USP49: variants seen among roughly 807,000 people sequenced by gnomAD.
The protein encoded by USP49 is ubiquitin specific peptidase 49.
Under a neutral mutation model 58.6 loss-of-function variants are expected in USP49, and 24 were observed. That is an observed-to-expected ratio of 0.41 (90% CI 0.30 to 0.58). The LOEUF (loss-of-function observed/expected upper bound fraction) is 0.58. Among genes scored for constraint, USP49 ranks in the 20% least tolerant of loss-of-function variants. The probability of loss-of-function intolerance (pLI) is 0.30; values close to 1 mark genes in which losing one functional copy is unlikely to be tolerated. For missense variants in USP49, 703 were observed against 866.1 expected (o/e 0.81, Z 2.36); for synonymous variants, 408 against 365.1 (o/e 1.12, Z -1.34).
intron 3 of USP49, among the ~76,000 whole-genome samples, chr6:41,861,860 G>A (rs1003749440): frequency 2.0e-5 from 3 of 151,882 alleles, no homozygotes; most frequent in Non-Finnish European, 2.9e-5. Context: ...CACCATGCCC[G>A]GCTAATTTTT....
In USP49 at chr6:41,793,521, AGT is replaced by A. The variant is rs1296691300; in HGVS notation, c.*3010_*3011del. 1 of 152,794 alleles carries A rather than the reference AGT, an allele frequency of 6.5e-6. No individual in the cohort carries two copies. The highest frequency in any genetic ancestry group is 1.5e-5 in the Non-Finnish European group (1 of 68,590). 9.5% of individuals were successfully genotyped at this position (152,794 alleles called of 1,614,324 possible). On this transcript the variant is annotated 3_prime_UTR_variant, in exon 8 of 8. Coordinates refer to ENST00000682992, the MANE Select transcript of USP49 (RefSeq NM_001286554.2). Reference sequence around the variant, plus strand: ...TGATCCGCCCTCCTCGGCCTCCCAAAGTGCTGGGATTACAGGCATGAGCCACC... The same window carrying A: ...TGATCCGCCCTCCTCGGCCTCCCAAAGCTGGGATTACAGGCATGAGCCACC...
At chr6:41,835,936 G>A (rs1273917243) in intron 3 of USP49, among the ~76,000 whole-genome samples, 2 of 151,880 alleles carry the variant, frequency 1.3e-5, no homozygotes, top group African/African-American at 2.4e-5. Flanking sequence ...AAATTAGCTG[G>A]GCATGGTAAT....
rs1227119014 is a variant in USP49 at position 41,802,464 on chromosome 6, ATTTAT to A, written c.1561+1337_1561+1341del. Among the ~76,000 whole-genome samples, 132 of 73,670 alleles carry A rather than the reference ATTTAT, an allele frequency of 1.8e-3. 6 individuals carry two copies. The highest frequency in any genetic ancestry group is 6.4e-3 in the African/African-American group (118 of 18,364). 48.3% of individuals were successfully genotyped at this position (73,670 alleles called of 152,430 possible). A position where few individuals can be genotyped will look rare whatever the true frequency, so the allele number is the denominator to read the frequency against. The stretch of plus-strand genomic sequence containing the variant: ...TATTTATTTATTTATTTATTTATTT[ATTTAT>A]TTTTTATTTATTTTTTTTTTTTGAG... On this transcript the variant is annotated intron_variant, in intron 5 of 7. Coordinates refer to ENST00000682992, the MANE Select transcript of USP49 (RefSeq NM_001286554.2).
At chr6:41,842,861 T>A (rs1773850779) in intron 3 of USP49, among the ~76,000 whole-genome samples, 1 of 149,542 alleles carries the variant, frequency 6.7e-6, no homozygotes, top group East Asian at 1.9e-4. Context: ...ATACTATATA[T>A]ATGAAAACTA....
At chr6:41,894,974 A>C (rs894190861) in intron 1 of USP49, among the ~76,000 whole-genome samples, 17 of 144,474 alleles carry the variant, frequency 1.2e-4, no homozygotes, top group Non-Finnish European at 2.0e-4. Context: ...GCCGTCGCCC[A>C]CCCCGCCAAA....
chr6:41,850,553 T>C (rs1236890429), intron 3 of USP49, among the ~76,000 whole-genome samples: 1 of 151,136 alleles, frequency 6.6e-6, no homozygotes, highest in Non-Finnish European at 1.5e-5. Context: ...TATAAGAGAC[T>C]ACTATAAACA....
chr6:41,817,457 C>CT (rs58559695), intron 3 of USP49, among the ~76,000 whole-genome samples: 5 of 74,804 alleles, frequency 6.7e-5, no homozygotes, highest in African/African-American at 1.1e-4. Flanking sequence ...TTCTTTCTTT[C>CT]TTTTTTTTTT....
At chr6:41,867,283 AC>A (rs1179383987) in intron 3 of USP49, among the ~76,000 whole-genome samples, 6 of 152,144 alleles carry the variant, frequency 3.9e-5, no homozygotes, top group Non-Finnish European at 8.8e-5. Context: ...CTTCTCCTCT[AC>A]AACTTTCTGC....
At chr6:41,825,684 GAAT>G (rs1773526105) in intron 3 of USP49, among the ~76,000 whole-genome samples, 1 of 152,120 alleles carries the variant, frequency 6.6e-6, no homozygotes, top group African/African-American at 2.4e-5. Context: ...CTAACCTTTA[GAAT>G]AATAACCTTT....
At chr6:41,854,021 A>AG (rs1164528077) in intron 3 of USP49, among the ~76,000 whole-genome samples, 1 of 137,658 alleles carries the variant, frequency 7.3e-6, no homozygotes, top group Non-Finnish European at 1.6e-5. Flanking sequence ...AAAAAAAAAA[A>AG]AAGAAGCAGG....
At chr6:41,838,725 T>G (rs1053018716) in intron 3 of USP49, among the ~76,000 whole-genome samples, 1 of 152,132 alleles carries the variant, frequency 6.6e-6, no homozygotes, top group Non-Finnish European at 1.5e-5. Context: ...TATAACACCC[T>G]CAAAAGACCA....
At position 41,890,594 on chromosome 6, in the gene USP49, TC is replaced by T. The variant is rs536071550; in HGVS notation, c.-103+1199del. 2.8e-4 allele frequency among the ~76,000 whole-genome samples: 43 copies of T among 152,166 alleles called. No individual in the cohort carries two copies. In the South Asian group the frequency reaches 7.9e-3, roughly 28 times the overall value. On this transcript the variant is annotated intron_variant, in intron 2 of 7. Coordinates refer to ENST00000682992, the MANE Select transcript of USP49 (RefSeq NM_001286554.2). Reference sequence around the variant, plus strand: ...CAGGTGTGATGGCACACATCTGTAGTCCCAGAGAGGTCCAGGCTGCAGTGAG... The same window carrying T: ...CAGGTGTGATGGCACACATCTGTAGTCCAGAGAGGTCCAGGCTGCAGTGAG...
At chr6:41,815,158 C>T (rs1290636339) in intron 3 of USP49, among the ~76,000 whole-genome samples, 1 of 152,110 alleles carries the variant, frequency 6.6e-6, no homozygotes, top group Non-Finnish European at 1.5e-5. Context: ...TGGTGGCTCA[C>T]ACCTGTAATC....
At chr6:41,813,117 T>G (rs1039144916) in intron 3 of USP49, among the ~76,000 whole-genome samples, 4 of 152,232 alleles carry the variant, frequency 2.6e-5, no homozygotes, top group Non-Finnish European at 5.9e-5. Flanking sequence ...AAGTCACATG[T>G]GGCTAGTGGT....
chr6:41,835,753 A>C (rs141200646), intron 3 of USP49, among the ~76,000 whole-genome samples: 3 of 151,304 alleles, frequency 2.0e-5, no homozygotes, highest in Admixed American at 2.0e-4. Flanking sequence ...CAAGCTAACA[A>C]AAGGTAGGTA....
At chr6:41,865,974 T>C (rs1774311697) in intron 3 of USP49, among the ~76,000 whole-genome samples, 1 of 127,000 alleles carries the variant, frequency 7.9e-6, no homozygotes, top group Non-Finnish European at 1.6e-5. Flanking sequence ...CAGGATGGAG[T>C]GCAGTGGCGC....
chr6:41,877,132 T>C (rs961028961), intron 2 of USP49, among the ~76,000 whole-genome samples: 2 of 152,202 alleles, frequency 1.3e-5, no homozygotes, highest in African/African-American at 4.8e-5. Context: ...CATTCAAAAG[T>C]ATTAGTTTGC....
intron 3 of USP49, chr6:41,832,715 G>T (rs1013428612): frequency 6.6e-6 from 1 of 152,088 alleles, no homozygotes; most frequent in African/African-American, 2.4e-5. Context: ...CTGAGCACTC[G>T]CCTACAATAT....
At chr6:41,893,712 A>C (rs1448380259) in intron 1 of USP49, among the ~76,000 whole-genome samples, 1 of 152,214 alleles carries the variant, frequency 6.6e-6, no homozygotes, top group Non-Finnish European at 1.5e-5. Context: ...TCATTTCTTC[A>C]AAGTGGACAG....
Sources: allele counts gnomAD v4.1 joint callset (sites outside exome capture counted in the v4.1 genomes callset), GRCh38; gene constraint gnomAD v4.1.1; transcripts MANE v1.5; gene names NCBI Gene and HGNC (gene_info 2026-07-23, HGNC 2026-07-21).